The following CPXM2 variants were observed in gnomAD, a reference collection of about 807,000 sequenced individuals.
CPXM2 encodes carboxypeptidase X, M14 family member 2, also known as inactive carboxypeptidase-like protein X2.
Under a neutral mutation model 86.1 loss-of-function variants are expected in CPXM2, and 66 were observed. The observed-to-expected ratio is 0.77, with a 90% confidence interval of 0.63 to 0.94. The LOEUF (loss-of-function observed/expected upper bound fraction) is 0.94, where lower values mean the gene tolerates loss of function less well. Among genes scored for constraint, CPXM2 ranks in the 40% least tolerant of loss-of-function variants. The pLI is 0.00. For synonymous variants in CPXM2, 388 were observed against 400.2 expected, an observed-to-expected ratio of 0.97 and a Z score of 0.36; for missense variants, 948 against 1,026.3, an observed-to-expected ratio of 0.92 and a Z score of 1.04.
At chr10:123,817,846 CCTTT>C (rs1847844931) in intron 4 of CPXM2, among the ~76,000 whole-genome samples, 1 of 152,182 alleles carries the variant, frequency 6.6e-6, no homozygotes, top group African/African-American at 2.4e-5. Flanking sequence ...CACGACAGCA[CCTTT>C]CTAGGACATC....
chr10:123,882,413 A>G (rs1945108152), intron 1 of CPXM2, among the ~76,000 whole-genome samples: 1 of 152,172 alleles, frequency 6.6e-6, no homozygotes, highest in African/African-American at 2.4e-5. Flanking sequence ...AAACCGTGGA[A>G]GAAGGCCACC....
intron 8 of CPXM2, 93 bp downstream of exon 8, chr10:123,770,823 G>T: frequency 7.4e-7 from 1 of 1,354,044 alleles, no homozygotes; most frequent in Non-Finnish European, 1.0e-6. Context: ...ATGCCCTGTG[G>T]CATGAATCTT....
chr10:123,879,828 C>T (rs1315503645), intron 2 of CPXM2, among the ~76,000 whole-genome samples: 1 of 152,142 alleles, frequency 6.6e-6, no homozygotes, highest in Admixed American at 6.5e-5. Flanking sequence ...ACCCCAGAGG[C>T]TCCTGGGTCA....
intron 7 of CPXM2, among the ~76,000 whole-genome samples, chr10:123,779,831 A>G (rs1013365750): frequency 6.6e-6 from 1 of 152,120 alleles, no homozygotes; most frequent in African/African-American, 2.4e-5. Flanking sequence ...ATGTCATCCT[A>G]GATCCTTTTT....
Position 123,891,674 on chromosome 10 carries a change from G to A in CPXM2, c.-15C>T. The A allele has an allele frequency of 1.5e-6, 2 of 1,370,108 alleles. No homozygotes were observed. Among genetic ancestry groups the A allele is most frequent in the Non-Finnish European group, 1.9e-6 (2 of 1,062,890 alleles). 84.9% of individuals were successfully genotyped at this position (1,370,108 alleles called of 1,614,324 possible). A position where few individuals can be genotyped will look rare whatever the true frequency, so the allele number is the denominator to read the frequency against. On this transcript the variant is annotated 5_prime_UTR_variant, in exon 1 of 14. Transcript: ENST00000241305. The surrounding 1 kb of genome is among the most constrained non-coding windows in gnomAD (Gnocchi z 5.6). Reference sequence around the variant, plus strand: ...GGGCGGGACATGCCTGCTCCGCCCCGCGCCCAGGGCAGGGTCACGGTCACC... The same window carrying A: ...GGGCGGGACATGCCTGCTCCGCCCCACGCCCAGGGCAGGGTCACGGTCACC...
intron 1 of CPXM2, among the ~76,000 whole-genome samples, chr10:123,883,581 T>G (rs1945129921): frequency 6.6e-6 from 1 of 152,256 alleles, no homozygotes; most frequent in African/African-American, 2.4e-5. Context: ...AAAAAGCTAT[T>G]CCAGTTGCTG....
chr10:123,829,287 C>T (rs1364005597), intron 4 of CPXM2, among the ~76,000 whole-genome samples: 1 of 152,114 alleles, frequency 6.6e-6, no homozygotes, highest in Non-Finnish European at 1.5e-5. Flanking sequence ...ATAAAGTGAA[C>T]AGTCACTCAA....
intron 2 of CPXM2, chr10:123,913,766 G>C: frequency 3.7e-6 from 1 of 268,368 alleles, no homozygotes; most frequent in Non-Finnish European, 7.4e-6. Context: ...TTTCCATGGT[G>C]ACCAGCAGCT....
At chr10:123,809,706 CTAT>C (rs1554880588) in intron 4 of CPXM2, among the ~76,000 whole-genome samples, 4 of 138,400 alleles carry the variant, frequency 2.9e-5, no homozygotes, top group Non-Finnish European at 6.6e-5. Context: ...CATAGGTATC[CTAT>C]TATTGTTAAG....
At chr10:123,834,392 G>A (rs571476263) in intron 4 of CPXM2, among the ~76,000 whole-genome samples, 2 of 152,234 alleles carry the variant, frequency 1.3e-5, no homozygotes, top group African/African-American at 2.4e-5. Flanking sequence ...CAGGAGCAAC[G>A]TCAGGGTAAG....
intron 2 of CPXM2, among the ~76,000 whole-genome samples, chr10:123,866,113 T>G (rs1335808864): frequency 6.6e-6 from 1 of 152,096 alleles, no homozygotes; most frequent in Non-Finnish European, 1.5e-5. Context: ...CCCAGGGCAG[T>G]CTTTCCTGGC....
chr10:123,778,688 T>C (rs1402821233), intron 7 of CPXM2, among the ~76,000 whole-genome samples: 2 of 152,232 alleles, frequency 1.3e-5, no homozygotes, highest in Non-Finnish European at 2.9e-5. Context: ...TTGACATTAA[T>C]TGCACTGAGT....
chr10:123,872,918 A>G (rs1944916227), intron 2 of CPXM2, among the ~76,000 whole-genome samples: 1 of 151,752 alleles, frequency 6.6e-6, no homozygotes. Flanking sequence ...TCAACTTGCC[A>G]TAAAAAAAGA....
rs185756428 is a variant in CPXM2 at position 123,774,230 on chromosome 10, G to A, written c.979-3191C>T. Among the ~76,000 whole-genome samples, 58 of 152,312 alleles carry A rather than the reference G, an allele frequency of 3.8e-4. 1 individual carries two copies. Among genetic ancestry groups the A allele is most frequent in the Non-Finnish European group, 6.0e-4 (41 of 68,030 alleles). On this transcript the variant is annotated intron_variant, in intron 7 of 13. Coordinates refer to ENST00000241305, the MANE Select transcript of CPXM2 (RefSeq NM_198148.3). ...GGGCAGGTGCCCGTTAGGGAGGCCC[G>A]TGGCCTTCTGAAAGCTGAGCTGGAA...
At chr10:123,932,763 G>A (rs1590128737) in intron 2 of CPXM2, among the ~76,000 whole-genome samples, 1 of 152,212 alleles carries the variant, frequency 6.6e-6, no homozygotes, top group African/African-American at 2.4e-5. Context: ...TGAGCTCCAA[G>A]TGCAGGAAGT....
chr10:123,881,436 A>C (rs553204264), intron 1 of CPXM2, among the ~76,000 whole-genome samples: 3 of 151,916 alleles, frequency 2.0e-5, no homozygotes, highest in African/African-American at 7.3e-5. Flanking sequence ...CTTTGGATGC[A>C]CAAGGTGTAT....
chr10:123,788,448 C>T (rs1452411356), intron 6 of CPXM2, among the ~76,000 whole-genome samples: 1 of 152,104 alleles, frequency 6.6e-6, no homozygotes. Flanking sequence ...ACGAAACTTC[C>T]CCCCTCCAGG....
At chr10:123,796,890 A>G (rs1045308386) in intron 6 of CPXM2, among the ~76,000 whole-genome samples, 1 of 152,212 alleles carries the variant, frequency 6.6e-6, no homozygotes, top group Non-Finnish European at 1.5e-5. Flanking sequence ...GCGGGTGAAC[A>G]GGAATGTGAA....
At chr10:123,921,027 C>CA (rs964821653) in intron 2 of CPXM2, among the ~76,000 whole-genome samples, 1 of 151,840 alleles carries the variant, frequency 6.6e-6, no homozygotes, top group African/African-American at 2.4e-5. Context: ...GTTATAGCAA[C>CA]AAAAAACAGA....
Sources: allele counts gnomAD v4.1 joint callset (sites outside exome capture counted in the v4.1 genomes callset), GRCh38; gene constraint gnomAD v4.1.1; non-coding constraint Gnocchi (gnomAD v3.1); transcripts MANE v1.5; gene names NCBI Gene and HGNC (gene_info 2026-07-23, HGNC 2026-07-21).